Variants in SLC1A3 observed in about 807,000 individuals in gnomAD.
The protein encoded by SLC1A3 is excitatory amino acid transporter 1.
In SLC1A3, 21 loss-of-function variants were observed where a neutral mutation model predicts 48.1. The ratio of observed to expected loss-of-function variants is 0.44; its 90% CI spans 0.31 to 0.63. The LOEUF (loss-of-function observed/expected upper bound fraction) is 0.63. Ranked by LOEUF, SLC1A3 falls within the 20% of genes least tolerant of loss-of-function variation. The probability of loss-of-function intolerance (pLI) is 0.08; values close to 1 mark genes in which losing one functional copy is unlikely to be tolerated. For missense variants in SLC1A3, 546 were observed against 689.0 expected, an observed-to-expected ratio of 0.79 and a Z score of 2.32; for synonymous variants, 239 against 251.4, an observed-to-expected ratio of 0.95 and a Z score of 0.47.
intron 3 of SLC1A3, among the ~76,000 whole-genome samples, chr5:36,654,190 CAT>C (rs1290678171): frequency 3.3e-5 from 5 of 152,178 alleles, no homozygotes; most frequent in African/African-American, 1.2e-4. Flanking sequence ...TCAAAATCCA[CAT>C]CTGAGGGGTT....
intron 2 of SLC1A3, among the ~76,000 whole-genome samples, chr5:36,627,517 T>TA (rs1218790315): frequency 6.6e-6 from 1 of 151,192 alleles, no homozygotes; most frequent in Non-Finnish European, 1.5e-5. Context: ...ATCCCAGATG[T>TA]AAAATAGCCT....
At chr5:36,683,643 G>A (rs988584875) in intron 8 of SLC1A3, among the ~76,000 whole-genome samples, 4 of 151,766 alleles carry the variant, frequency 2.6e-5, no homozygotes, top group African/African-American at 9.7e-5. Flanking sequence ...AGGAGGAAGA[G>A]GTTTCAGTGA....
rs1215494602 is a variant in SLC1A3 at position 36,671,035 on chromosome 5, C to T, written c.326C>T (p.Ala109Val). The T allele has an allele frequency of 3.7e-6, 6 of 1,613,636 alleles. No homozygotes were observed. Among genetic ancestry groups the T allele is most frequent in the Non-Finnish European group, 4.2e-6 (5 of 1,179,610 alleles). The change falls in exon 4 of 10, where the codon GCG (alanine) becomes GTG (valine). Residue 109 changes from alanine (A) to valine (V), a missense_variant. Physicochemically the swap from Ala to Val is moderately conservative, Grantham distance 64 (BLOSUM62 0). Transcript: ENST00000265113. ...LIISSLVTGM[A>V]ALDSKASGKM... is the part of the protein sequence containing the mutation. ...TTCTGTTTGCCTCCACCAGGAATGG[C>T]GGCGCTAGATAGTAAGGCATCAGGG...
At chr5:36,656,490 C>T (rs1343005013) in intron 3 of SLC1A3, among the ~76,000 whole-genome samples, 1 of 152,156 alleles carries the variant, frequency 6.6e-6, no homozygotes, top group Non-Finnish European at 1.5e-5. Context: ...TTTCTGTACT[C>T]GTGTACTTAG....
At chr5:36,668,008 A>G (rs1741828227) in intron 3 of SLC1A3, 1 of 152,206 alleles carries the variant, frequency 6.6e-6, no homozygotes, top group Admixed American at 6.5e-5. Context: ...CACTCCCACA[A>G]TTACCTACAT....
At chr5:36,684,127 A>G (rs572422245) in intron 9 of SLC1A3, 129 bp downstream of exon 9, 1 of 1,141,472 alleles carries the variant, frequency 8.8e-7, no homozygotes, top group African/African-American at 1.5e-5. Flanking sequence ...CCATAGTTAA[A>G]TTGTCCTTAT....
intron 3 of SLC1A3, among the ~76,000 whole-genome samples, chr5:36,654,256 C>T (rs949148426): frequency 9.8e-5 from 15 of 152,290 alleles, no homozygotes; most frequent in South Asian, 4.2e-4. Context: ...TTTGGGCATA[C>T]AGAAAACACT....
At chr5:36,677,451 AT>A (rs1249651286) in intron 6 of SLC1A3, among the ~76,000 whole-genome samples, 6 of 152,058 alleles carry the variant, frequency 3.9e-5, no homozygotes, top group Admixed American at 2.6e-4. Context: ...TCATTTCTCC[AT>A]TTTTTATCTA....
At position 36,622,016 on chromosome 5, in the gene SLC1A3, A is replaced by G. The variant is rs1446665924; in HGVS notation, c.182-7434A>G. ...AATATCCTAACTGTGAAATGGCAGCATTTGTGTCACGTAAAACCAGTGAGT... is the reference window on the plus strand; with the variant it reads ...AATATCCTAACTGTGAAATGGCAGCGTTTGTGTCACGTAAAACCAGTGAGT... On this transcript the variant is annotated intron_variant, in intron 2 of 9. Transcript: ENST00000265113. Among the ~76,000 whole-genome samples, 6 of 152,342 alleles carry G rather than the reference A, an allele frequency of 3.9e-5. No homozygotes were observed. In the East Asian group the frequency reaches 1.2e-3, roughly 29 times the overall value.
rs552274206 is a variant in SLC1A3 at position 36,599,993 on chromosome 5, A to G, written c.-96+3315A>G. On this transcript the variant is annotated intron_variant, in intron 1 of 9. Transcript: ENST00000680318. ...TGCACCACTATTTATTAATTGAGGT[A>G]TCATGAATACTGTGGAGTTCTTGGA... Among the ~76,000 whole-genome samples the G allele has an allele frequency of 1.4e-4, 22 of 152,256 alleles. No individual in the cohort carries two copies. The South Asian group carries it at 4.4e-3, about 30-fold the overall frequency.
chr5:36,617,279 G>A (rs1308001421), intron 2 of SLC1A3, among the ~76,000 whole-genome samples: 1 of 152,026 alleles, frequency 6.6e-6, no homozygotes, highest in Non-Finnish European at 1.5e-5. Flanking sequence ...CCTCGTTAAA[G>A]CAAATTAAAG....
chr5:36,648,374 G>A (rs767042961), intron 3 of SLC1A3, among the ~76,000 whole-genome samples: 24 of 152,106 alleles, frequency 1.6e-4, no homozygotes, highest in Admixed American at 6.5e-4. Flanking sequence ...TTTGGAATAC[G>A]GTTCTTAAGT....
intron 2 of SLC1A3, among the ~76,000 whole-genome samples, chr5:36,615,683 T>G (rs1739401576): frequency 6.6e-6 from 1 of 152,224 alleles, no homozygotes; most frequent in African/African-American, 2.4e-5. Context: ...TAAATAAGAT[T>G]GTGAAGAGCC....
intron 3 of SLC1A3, among the ~76,000 whole-genome samples, chr5:36,639,090 C>A (rs1395697771): frequency 6.6e-6 from 1 of 152,188 alleles, no homozygotes; most frequent in African/African-American, 2.4e-5. Context: ...AGTGCTAGAC[C>A]TGTTGCTGGA....
At chr5:36,650,166 T>C (rs764108838) in intron 3 of SLC1A3, among the ~76,000 whole-genome samples, 78 of 152,220 alleles carry the variant, frequency 5.1e-4, no homozygotes, top group Non-Finnish European at 9.7e-4. Context: ...TTGTCTACTG[T>C]TTCTACCTTG....
chr5:36,683,914 G>T lies in SLC1A3; in HGVS notation c.1340G>T (p.Gly447Val). ...GGGGCAGCTGGAATTCCTCAGGCGG[G>T]CCTGGTCACTATGGTCATTGTGCTG... ...SIGAAGIPQA[G>V]LVTMVIVLTS... The change falls in exon 9 of 10, where the codon GGC (glycine) becomes GTC (valine). Residue 447 changes from glycine to valine, a missense_variant. This residue lies in a region of SLC1A3 where 142 missense variants were observed against 238.0 expected (regional missense o/e 0.60). Coordinates refer to ENST00000265113, the MANE Select transcript of SLC1A3 (RefSeq NM_004172.5). The T allele has an allele frequency of 6.2e-7, 1 of 1,614,152 alleles. No individual in the cohort carries two copies. Among genetic ancestry groups the T allele is most frequent in the Non-Finnish European group, 8.5e-7 (1 of 1,180,010 alleles).
chr5:36,679,446 A>G (rs1280905947), intron 6 of SLC1A3, among the ~76,000 whole-genome samples, 181 bp from the exon 7 acceptor site: 1 of 152,208 alleles, frequency 6.6e-6, no homozygotes, highest in Non-Finnish European at 1.5e-5. Flanking sequence ...CAAAAGAAAA[A>G]AAAGAAGTCC....
At chr5:36,613,986 A>G (rs557901662) in intron 2 of SLC1A3, among the ~76,000 whole-genome samples, 10 of 152,328 alleles carry the variant, frequency 6.6e-5, no homozygotes, top group African/African-American at 2.4e-4. Context: ...AAAGCACTCC[A>G]GGCGCTGCCT....
intron 5 of SLC1A3, among the ~76,000 whole-genome samples, chr5:36,675,446 A>G (rs1337416851): frequency 6.6e-6 from 1 of 152,176 alleles, no homozygotes; most frequent in Non-Finnish European, 1.5e-5. Context: ...AAAAGTGCTG[A>G]CTTGTACAGA....
Sources: allele counts gnomAD v4.1 joint callset (sites outside exome capture counted in the v4.1 genomes callset), GRCh38; gene constraint gnomAD v4.1.1; regional missense constraint gnomAD v4.1.1; transcripts MANE v1.5; gene names NCBI Gene and HGNC (gene_info 2026-07-23, HGNC 2026-07-21).